ROBO1: variants seen among roughly 807,000 people sequenced by gnomAD.
The protein encoded by ROBO1 is roundabout homolog 1.
In ROBO1, 149 loss-of-function variants were observed where a neutral mutation model predicts 195.9. The ratio of observed to expected loss-of-function variants is 0.76; its 90% CI spans 0.67 to 0.87. The LOEUF (loss-of-function observed/expected upper bound fraction) is 0.87. ROBO1 is among the 40% of genes least tolerant of loss of function. The pLI is 0.00. For missense variants in ROBO1, 1,933 were observed against 2,068.3 expected (o/e 0.93, Z 1.27); for synonymous variants, 816 against 733.2 (o/e 1.11, Z -1.82).
intron 2 of ROBO1, among the ~76,000 whole-genome samples, chr3:79,274,894 T>C (rs1163483279): frequency 6.6e-6 from 1 of 151,888 alleles, no homozygotes; most frequent in Non-Finnish European, 1.5e-5. Flanking sequence ...AAGAAATGAA[T>C]AAATTCCTAG....
intron 28 of ROBO1, among the ~76,000 whole-genome samples, chr3:78,607,918 G>A (rs1223672469): frequency 1.3e-5 from 2 of 151,928 alleles, no homozygotes; most frequent in African/African-American, 4.8e-5. Context: ...TCAATTGCAT[G>A]TTTATAATCT....
At chr3:79,550,285 C>T (rs1289125161) in intron 2 of ROBO1, among the ~76,000 whole-genome samples, 2 of 151,614 alleles carry the variant, frequency 1.3e-5, no homozygotes. Flanking sequence ...AGTTTTCTTT[C>T]TCTCATTTTT....
At chr3:78,707,684 C>T (rs770233062) in intron 8 of ROBO1, among the ~76,000 whole-genome samples, 8 of 152,106 alleles carry the variant, frequency 5.3e-5, no homozygotes, top group Non-Finnish European at 1.0e-4. Context: ...CAGAGCATCA[C>T]CTGGTTTGGC....
chr3:79,219,120 T>G (rs1289703142), intron 2 of ROBO1, among the ~76,000 whole-genome samples: 1 of 152,042 alleles, frequency 6.6e-6, no homozygotes, highest in Non-Finnish European at 1.5e-5. Context: ...TATTTTTTAA[T>G]TTAAATATTC....
chr3:79,622,498 A>C (rs1048438109), intron 1 of ROBO1, among the ~76,000 whole-genome samples: 1 of 152,192 alleles, frequency 6.6e-6, no homozygotes, highest in Admixed American at 6.5e-5. Context: ...CCCCTGCTGG[A>C]GCCAGGAAGG....
At chr3:78,630,744 GT>G (rs1385084728) in intron 25 of ROBO1, among the ~76,000 whole-genome samples, 2 of 152,110 alleles carry the variant, frequency 1.3e-5, no homozygotes, top group Non-Finnish European at 2.9e-5. Flanking sequence ...TCAGCATAAG[GT>G]GATAATATCT....
At chr3:78,748,051 G>A (rs1249744124) in intron 4 of ROBO1, among the ~76,000 whole-genome samples, 1 of 152,180 alleles carries the variant, frequency 6.6e-6, no homozygotes, top group Non-Finnish European at 1.5e-5. Flanking sequence ...GTAGTAGAAT[G>A]TGAACCATTT....
At chr3:79,233,212 T>C (rs1192545159) in intron 2 of ROBO1, among the ~76,000 whole-genome samples, 1 of 151,974 alleles carries the variant, frequency 6.6e-6, no homozygotes, top group Non-Finnish European at 1.5e-5. Flanking sequence ...AAATTTAAAA[T>C]GTGCAAGAAA....
At chr3:78,665,032 T>C (rs1178102585) in intron 14 of ROBO1, among the ~76,000 whole-genome samples, 2 of 152,202 alleles carry the variant, frequency 1.3e-5, no homozygotes, top group Non-Finnish European at 2.9e-5. Flanking sequence ...AAAGATGTCA[T>C]GTCTGCTCTG....
intron 3 of ROBO1, among the ~76,000 whole-genome samples, chr3:79,110,563 A>G (rs543058897): frequency 6.0e-5 from 9 of 151,224 alleles, no homozygotes; most frequent in South Asian, 4.2e-4. Flanking sequence ...CTCAAGAATG[A>G]GAATCTCGTA....
chr3:78,839,604 A>C (rs2033032600), intron 4 of ROBO1, among the ~76,000 whole-genome samples: 1 of 152,160 alleles, frequency 6.6e-6, no homozygotes, highest in Admixed American at 6.5e-5. Context: ...GAATTGTGAT[A>C]AAGCCCTTTC....
At chr3:79,417,445 G>A (rs2038051611) in intron 2 of ROBO1, among the ~76,000 whole-genome samples, 1 of 152,076 alleles carries the variant, frequency 6.6e-6, no homozygotes, top group South Asian at 2.1e-4. Context: ...AAGACCCTGA[G>A]CCAGAACCTC....
chr3:78,939,440 C>G (rs2040007704), intron 3 of ROBO1, among the ~76,000 whole-genome samples: 1 of 150,006 alleles, frequency 6.7e-6, no homozygotes, highest in South Asian at 2.1e-4. Context: ...AGGTGAAACC[C>G]CGTCTCTACT....
intron 19 of ROBO1, among the ~76,000 whole-genome samples, chr3:78,650,919 C>T (rs1235685166): frequency 6.6e-5 from 10 of 151,974 alleles, no homozygotes; most frequent in Admixed American, 6.6e-4. Context: ...GATCTGAGGC[C>T]CAGAATTGAT....
At chr3:79,381,557 C>T (rs1175671327) in intron 2 of ROBO1, among the ~76,000 whole-genome samples, 1 of 151,660 alleles carries the variant, frequency 6.6e-6, no homozygotes, top group African/African-American at 2.4e-5. Flanking sequence ...TAACTTATTC[C>T]GCATATATTG....
chr3:79,051,488 G>T (rs1009320655), intron 3 of ROBO1, among the ~76,000 whole-genome samples: 1 of 152,122 alleles, frequency 6.6e-6, no homozygotes, highest in Non-Finnish European at 1.5e-5. Context: ...ACAAACAAGA[G>T]CTGGTACCAT....
intron 2 of ROBO1, among the ~76,000 whole-genome samples, chr3:79,351,086 CA>C (rs1295567503): frequency 2.0e-5 from 3 of 152,092 alleles, no homozygotes; most frequent in Admixed American, 6.6e-5. Context: ...TCCAATTATA[CA>C]CTTCTAATTG....
At chr3:79,323,570 C>T (rs964002147) in intron 2 of ROBO1, among the ~76,000 whole-genome samples, 9 of 152,068 alleles carry the variant, frequency 5.9e-5, no homozygotes, top group Admixed American at 4.6e-4. Flanking sequence ...AAGCCAAATA[C>T]AAATGGAGAT....
At chr3:79,180,246 C>A (rs1184633740) in intron 2 of ROBO1, among the ~76,000 whole-genome samples, 1 of 152,150 alleles carries the variant, frequency 6.6e-6, no homozygotes, top group African/African-American at 2.4e-5. Context: ...CTTGTTAACT[C>A]TTTCTCATTT....
Sources: gnomAD v4.1 joint callset for allele counts (sites outside exome capture counted in the v4.1 genomes callset) on GRCh38, gnomAD v4.1.1 for gene constraint, MANE v1.5 for transcripts, NCBI Gene and HGNC (gene_info 2026-07-23, HGNC 2026-07-21) for gene names.